CACNA2D2: variants seen among roughly 807,000 people sequenced by gnomAD.
CACNA2D2 encodes the protein voltage-dependent calcium channel subunit alpha-2/delta-2.
In CACNA2D2, 48 loss-of-function variants were observed where a neutral mutation model predicts 166.4. The observed-to-expected ratio is 0.29, with a 90% CI of 0.23 to 0.37. CACNA2D2 has a LOEUF of 0.37. CACNA2D2 is among the 10% of genes least tolerant of loss of function. CACNA2D2 has a pLI of 1.00. For synonymous variants in CACNA2D2, 561 were observed against 573.7 expected (o/e 0.98, Z 0.32); for missense variants, 1,122 against 1,433.0 (o/e 0.78, Z 3.50).
Position 50,503,351 on chromosome 3 carries a change from A to G in CACNA2D2, c.73T>C (p.Cys25Arg). Residue 25 changes from cysteine to arginine, a missense_variant, in exon 1 of 38, where the codon TGC becomes CGC. This residue lies in a region of CACNA2D2 where 840 missense variants were observed against 1,166.8 expected (regional missense o/e 0.72). Transcript: ENST00000424201. ...GTGCCGGGGCCAGGGTGGGGGCCGC[A>G]GCCGGGCCAGGGGCGCGCAGTCCGC... ...PARTARPWPG[C>R]GPHPGPGTRR... The G allele has an allele frequency of 3.1e-6, 1 of 318,280 alleles. No individual in the cohort carries two copies. Among genetic ancestry groups the G allele is most frequent in the Non-Finnish European group, 5.5e-6 (1 of 181,354 alleles). The allele number at this position is 318,280 out of a possible 1,614,324, so 19.7% of individuals were successfully genotyped here. A position where few individuals can be genotyped will look rare whatever the true frequency, so the allele number is the denominator to read the frequency against.
At chr3:50,409,427 A>G (rs1178381637) in intron 3 of CACNA2D2, among the ~76,000 whole-genome samples, 1 of 152,230 alleles carries the variant, frequency 6.6e-6, no homozygotes, top group Non-Finnish European at 1.5e-5. Flanking sequence ...CTTTGAACAA[A>G]AAGTGCTCCT....
intron 3 of CACNA2D2, among the ~76,000 whole-genome samples, chr3:50,394,870 C>A (rs1263138370): frequency 1.3e-5 from 2 of 152,242 alleles, no homozygotes; most frequent in Non-Finnish European, 2.9e-5. Flanking sequence ...CCTCTTGCAG[C>A]TCACAGGCAC....
chr3:50,366,808 T>C lies in CACNA2D2; in HGVS notation c.2589+23A>G, dbSNP rs1275088855. 6.2e-7 allele frequency: 1 copy of C among 1,609,896 alleles called. No homozygotes were observed. The highest frequency in any genetic ancestry group is 1.3e-5 in the African/African-American group (1 of 74,818). ...TCCAGGAAGGGCACTGCTGGGTTAC[T>C]GCCCCCGCCCCTGCCCAAATACCTT... On this transcript the variant is annotated intron_variant, in intron 29 of 37. Coordinates refer to ENST00000424201, the MANE Select transcript of CACNA2D2 (RefSeq NM_006030.4). This position sits in a 1 kb window ranked among gnomAD's most constrained non-coding sequence, Gnocchi z 5.9.
intron 2 of CACNA2D2, 46 bp from the exon 3 acceptor site, chr3:50,434,475 C>G (rs892283666): frequency 2.9e-6 from 4 of 1,395,910 alleles, no homozygotes; most frequent in African/African-American, 1.4e-5. Context: ...GGTCCCACGT[C>G]CTCATGCCAT....
intron 37 of CACNA2D2, 34 bp from the exon 38 acceptor site, chr3:50,364,840 G>A: frequency 6.2e-7 from 1 of 1,613,176 alleles, no homozygotes; most frequent in Non-Finnish European, 8.5e-7. Flanking sequence ...GTCGGCCTGG[G>A]CGGGCGCAAG....
chr3:50,373,107 G>GA (rs1322936782), intron 22 of CACNA2D2: 3 of 1,526,626 alleles, frequency 2.0e-6, no homozygotes, highest in Non-Finnish European at 2.6e-6. Context: ...CACCAAGAGA[G>GA]AAAGCGAGGA....
At chr3:50,451,088 A>AC (rs1028594628) in intron 2 of CACNA2D2, among the ~76,000 whole-genome samples, 3 of 151,222 alleles carry the variant, frequency 2.0e-5, no homozygotes, top group African/African-American at 7.3e-5. Context: ...ATGGACAGCC[A>AC]CCCTGCCTCT....
At chr3:50,371,118 A>C (rs1441509316) in intron 22 of CACNA2D2, among the ~76,000 whole-genome samples, 1 of 152,074 alleles carries the variant, frequency 6.6e-6, no homozygotes, top group African/African-American at 2.4e-5. Flanking sequence ...AGAAAGTCTG[A>C]GGAGCTGGAA....
At chr3:50,401,052 A>G (rs1300588715) in intron 3 of CACNA2D2, among the ~76,000 whole-genome samples, 1 of 152,162 alleles carries the variant, frequency 6.6e-6, no homozygotes, top group Non-Finnish European at 1.5e-5. Flanking sequence ...TGACCACCAG[A>G]GTAACAAAAA....
chr3:50,401,735 G>A (rs1307739131), intron 3 of CACNA2D2, among the ~76,000 whole-genome samples: 2 of 152,096 alleles, frequency 1.3e-5, no homozygotes. Context: ...TTGAGATGGA[G>A]TCTTGCTCTG....
chr3:50,427,282 G>A lies in CACNA2D2; in HGVS notation c.405+7031C>T, dbSNP rs1447552759. On this transcript the variant is annotated intron_variant, in intron 3 of 37. Transcript: ENST00000424201. The surrounding 1 kb of genome is among the most constrained non-coding windows in gnomAD (Gnocchi z 4.7). ...TGGCTGCCTCCCTCTGTAGGCGGAGGGCCCCAAGGGTGCCCACACAATGGG... is the reference window on the plus strand; with the variant it reads ...TGGCTGCCTCCCTCTGTAGGCGGAGAGCCCCAAGGGTGCCCACACAATGGG... 6.6e-6 allele frequency among the ~76,000 whole-genome samples: 1 copy of A among 152,146 alleles called. No individual in the cohort carries two copies. Among genetic ancestry groups the A allele is most frequent in the African/African-American group, 2.4e-5 (1 of 41,426 alleles).
chr3:50,372,507 C>T (rs1225967603), intron 22 of CACNA2D2, among the ~76,000 whole-genome samples: 1 of 152,200 alleles, frequency 6.6e-6, no homozygotes, highest in African/African-American at 2.4e-5. Flanking sequence ...CCCTTTGGCC[C>T]CAGCATCAGG....
At chr3:50,475,456 A>G (rs1710266627) in intron 2 of CACNA2D2, among the ~76,000 whole-genome samples, 1 of 152,016 alleles carries the variant, frequency 6.6e-6, no homozygotes, top group East Asian at 1.9e-4. Flanking sequence ...TCACTCCAAG[A>G]GCTCGGCCCT....
chr3:50,409,233 G>A (rs780461578), intron 3 of CACNA2D2, among the ~76,000 whole-genome samples: 4 of 152,218 alleles, frequency 2.6e-5, no homozygotes, highest in Non-Finnish European at 4.4e-5. Flanking sequence ...CATGGAGGCC[G>A]ACAGCACTTG....
intron 3 of CACNA2D2, among the ~76,000 whole-genome samples, chr3:50,402,990 G>C (rs957321468): frequency 6.6e-6 from 1 of 152,134 alleles, no homozygotes; most frequent in African/African-American, 2.4e-5. Flanking sequence ...CCCCATTCTA[G>C]AGATATGTGT....
chr3:50,376,117 G>C lies in CACNA2D2; in HGVS notation c.1698C>G (p.Pro566=), dbSNP rs764348423. The C allele has an allele frequency of 6.2e-7, 1 of 1,613,474 alleles. No individual in the cohort carries two copies. Among genetic ancestry groups the C allele is most frequent in the South Asian group, 1.1e-5 (1 of 91,076 alleles). ...CCAGGCCACCCGTCTGGCTCACCTG[G>C]GGCTTGAGATTGGGGTGCAGCAACA... The part of the protein sequence containing the change: ...GYVLLHPNLK[P]QTTNFREPVT... Residue 566 remains proline (P), a synonymous_variant, in exon 18 of 38, where the codon CCC becomes CCG. Coordinates refer to ENST00000424201, the MANE Select transcript of CACNA2D2 (RefSeq NM_006030.4). The surrounding 1 kb of genome is among the most constrained non-coding windows in gnomAD (Gnocchi z 4.3).
chr3:50,393,839 G>A (rs1043623868), intron 4 of CACNA2D2, among the ~76,000 whole-genome samples: 1 of 152,194 alleles, frequency 6.6e-6, no homozygotes, highest in Non-Finnish European at 1.5e-5. Context: ...CCTTATCTGG[G>A]GAACACAGGG....
At chr3:50,446,027 A>G (rs1347526911) in intron 2 of CACNA2D2, among the ~76,000 whole-genome samples, 1 of 152,226 alleles carries the variant, frequency 6.6e-6, no homozygotes, top group East Asian at 1.9e-4. Context: ...ATCCGTGCAC[A>G]GTGTTTGCCA....
chr3:50,480,324 A>T (rs1051598822), intron 1 of CACNA2D2, among the ~76,000 whole-genome samples: 1 of 152,236 alleles, frequency 6.6e-6, no homozygotes, highest in East Asian at 1.9e-4. Flanking sequence ...GGTAATAATG[A>T]CTGGCTGAAT....
Sources: gnomAD v4.1 joint callset for allele counts (sites outside exome capture counted in the v4.1 genomes callset) on GRCh38, gnomAD v4.1.1 for gene constraint, gnomAD v4.1.1 regional missense constraint, Gnocchi (gnomAD v3.1) non-coding constraint, MANE v1.5 for transcripts, NCBI Gene and HGNC (gene_info 2026-07-23, HGNC 2026-07-21) for gene names.